Variants in NEGR1 observed in about 807,000 individuals in gnomAD.
NEGR1 encodes IgLON family member 4.
In NEGR1, 10 loss-of-function variants were observed where a neutral mutation model predicts 40.9. That is an observed-to-expected ratio of 0.24 (90% CI 0.15 to 0.42). NEGR1 has a LOEUF of 0.42. Ranked by LOEUF, NEGR1 falls within the 10% of genes least tolerant of loss-of-function variation. The pLI, the probability that NEGR1 is intolerant of heterozygous loss-of-function variation, is 1.00. For synonymous variants in NEGR1, 185 were observed against 166.8 expected (o/e 1.11, Z -0.84); for missense variants, 352 against 438.9 (o/e 0.80, Z 1.77).
At chr1:71,698,770 T>A (rs1416116223) in intron 3 of NEGR1, among the ~76,000 whole-genome samples, 1 of 151,882 alleles carries the variant, frequency 6.6e-6, no homozygotes, top group East Asian at 1.9e-4. Context: ...GCAAACTAAA[T>A]TATCTTTATT....
chr1:72,105,597 C>A (rs918417970), intron 1 of NEGR1, among the ~76,000 whole-genome samples: 23 of 151,786 alleles, frequency 1.5e-4, no homozygotes, highest in African/African-American at 5.1e-4. Flanking sequence ...AAGAAAAAAA[C>A]TGACAGAAAA....
intron 3 of NEGR1, among the ~76,000 whole-genome samples, chr1:71,713,503 A>G (rs905911925): frequency 6.6e-6 from 1 of 152,242 alleles, no homozygotes; most frequent in African/African-American, 2.4e-5. Context: ...TGGATAGATC[A>G]GGATATCATA....
chr1:71,778,578 T>A (rs983538250), intron 2 of NEGR1, among the ~76,000 whole-genome samples: 4 of 152,204 alleles, frequency 2.6e-5, no homozygotes, highest in African/African-American at 9.6e-5. Flanking sequence ...ATACAGTGCA[T>A]AGCAGTGCCC....
At chr1:71,857,077 C>T (rs958673495) in intron 2 of NEGR1, among the ~76,000 whole-genome samples, 1 of 151,922 alleles carries the variant, frequency 6.6e-6, no homozygotes, top group Non-Finnish European at 1.5e-5. Flanking sequence ...ACTGAGATGA[C>T]TTGCAAACAG....
intron 1 of NEGR1, among the ~76,000 whole-genome samples, chr1:72,159,499 T>C (rs1476395676): frequency 6.6e-6 from 1 of 152,210 alleles, no homozygotes; most frequent in Non-Finnish European, 1.5e-5. Context: ...AAGTATAAAG[T>C]ATTATACTTC....
At chr1:71,671,445 T>G (rs1557607052) in intron 4 of NEGR1, among the ~76,000 whole-genome samples, 1 of 152,024 alleles carries the variant, frequency 6.6e-6, no homozygotes, top group Non-Finnish European at 1.5e-5. Flanking sequence ...GGGAAATTGA[T>G]AGAAAGAAAG....
At chr1:71,859,709 A>G (rs564260266) in intron 2 of NEGR1, among the ~76,000 whole-genome samples, 1 of 152,052 alleles carries the variant, frequency 6.6e-6, no homozygotes, top group Non-Finnish European at 1.5e-5. Flanking sequence ...ACCTCCTGTC[A>G]GCTTCTTGCC....
chr1:71,668,436 G>A (rs1444104961), intron 4 of NEGR1, among the ~76,000 whole-genome samples: 3 of 152,264 alleles, frequency 2.0e-5, no homozygotes, highest in African/African-American at 7.2e-5. Context: ...TTAGTACAAC[G>A]ATGAGCAAAC....
chr1:71,595,032 T>G (rs1428978550), intron 5 of NEGR1, among the ~76,000 whole-genome samples: 1 of 152,258 alleles, frequency 6.6e-6, no homozygotes, highest in Non-Finnish European at 1.5e-5. Context: ...TGGCACTATA[T>G]GCTTATGTTC....
At chr1:72,144,245 A>G (rs1165822475) in intron 1 of NEGR1, among the ~76,000 whole-genome samples, 1 of 151,608 alleles carries the variant, frequency 6.6e-6, no homozygotes, top group Non-Finnish European at 1.5e-5. Flanking sequence ...TCGTTCATTC[A>G]CTTTCTAAAC....
At chr1:72,055,953 T>G (rs1647106458) in intron 1 of NEGR1, among the ~76,000 whole-genome samples, 1 of 150,626 alleles carries the variant, frequency 6.6e-6, no homozygotes, top group South Asian at 2.1e-4. Flanking sequence ...CTACTCAATC[T>G]CTCTGGTTTC....
At chr1:71,521,498 T>C (rs772278005) in intron 6 of NEGR1, among the ~76,000 whole-genome samples, 55 of 152,116 alleles carry the variant, frequency 3.6e-4, no homozygotes, top group Admixed American at 6.6e-4. Context: ...TTCAAACCTT[T>C]TGAATAAGTA....
chr1:71,989,842 C>CTCTA lies in NEGR1; in HGVS notation c.177-54532_177-54531insTAGA, dbSNP rs931105797. On this transcript the variant is annotated intron_variant, in intron 1 of 6. Transcript: ENST00000357731. ...GACTCTCTCAGTCAAAACTCCTTGC[C>CTCTA]TAGATTTTCTCATTTATATACCATT... Among the ~76,000 whole-genome samples, 7 of 152,210 alleles carry CTCTA rather than the reference C, an allele frequency of 4.6e-5. No homozygotes were observed. The South Asian group carries it at 1.0e-3, about 23-fold the overall frequency.
chr1:72,175,558 C>T (rs1652134529), intron 1 of NEGR1, among the ~76,000 whole-genome samples: 1 of 151,994 alleles, frequency 6.6e-6, no homozygotes, highest in Admixed American at 6.6e-5. Flanking sequence ...ACAATGGCAT[C>T]ACGATTGCAT....
At chr1:71,962,540 A>G (rs573240539) in intron 1 of NEGR1, among the ~76,000 whole-genome samples, 1 of 152,222 alleles carries the variant, frequency 6.6e-6, no homozygotes, top group East Asian at 1.9e-4. Context: ...GTATAATGAT[A>G]TTACATTATA....
In NEGR1 at chr1:71,690,565, AACACACACACAC is replaced by A. The variant is rs3980432; in HGVS notation, c.667+7431_667+7442del. Reference sequence around the variant, plus strand: ...ACAAATGCACACATATAAGTTATATAACACACACACACACACACACACACACACACACACATA... The same window carrying A: ...ACAAATGCACACATATAAGTTATATAACACACACACACACACACACACATA... On this transcript the variant is annotated intron_variant, in intron 4 of 6. Coordinates refer to ENST00000357731, the MANE Select transcript of NEGR1 (RefSeq NM_173808.3). Among the ~76,000 whole-genome samples, 13 of 119,272 alleles carry A rather than the reference AACACACACACAC, an allele frequency of 1.1e-4. No individual in the cohort carries two copies. The East Asian group carries it at 2.3e-3, about 21-fold the overall frequency. 78.2% of individuals were successfully genotyped at this position (119,272 alleles called of 152,430 possible).
chr1:72,082,377 C>T (rs535089885), intron 1 of NEGR1, among the ~76,000 whole-genome samples: 16 of 152,070 alleles, frequency 1.1e-4, no homozygotes, highest in African/African-American at 2.4e-4. Context: ...TATTTTAATT[C>T]GAATGTCATT....
chr1:71,635,844 A>G (rs1651129512), intron 4 of NEGR1, among the ~76,000 whole-genome samples: 1 of 152,020 alleles, frequency 6.6e-6, no homozygotes, highest in African/African-American at 2.4e-5. Context: ...ATTTTGAGAT[A>G]TCGTGTCCTT....
chr1:71,965,779 C>A (rs1346795843), intron 1 of NEGR1, among the ~76,000 whole-genome samples: 1 of 152,084 alleles, frequency 6.6e-6, no homozygotes, highest in African/African-American at 2.4e-5. Flanking sequence ...GAACTCAGAT[C>A]TAAATCACCT....
Sources: allele counts gnomAD v4.1 joint callset (sites outside exome capture counted in the v4.1 genomes callset), GRCh38; gene constraint gnomAD v4.1.1; transcripts MANE v1.5; gene names NCBI Gene and HGNC (gene_info 2026-07-23, HGNC 2026-07-21).